Variants in BICD1 observed in about 807,000 individuals in gnomAD.
The protein encoded by BICD1 is protein bicaudal D homolog 1.
In BICD1, 35 loss-of-function variants were observed where a neutral mutation model predicts 92.5. The observed-to-expected ratio is 0.38, with a 90% CI of 0.29 to 0.50. The LOEUF (loss-of-function observed/expected upper bound fraction) is 0.50, where lower values mean the gene tolerates loss of function less well. BICD1 is among the 20% of genes least tolerant of loss of function. The pLI is 0.93. For missense variants in BICD1, 950 were observed against 1,189.8 expected (o/e 0.80, Z 2.97); for synonymous variants, 429 against 465.1 (o/e 0.92, Z 1.00).
At chr12:32,224,233 A>T (rs1164591096) in intron 2 of BICD1, among the ~76,000 whole-genome samples, 1 of 152,056 alleles carries the variant, frequency 6.6e-6, no homozygotes, top group Non-Finnish European at 1.5e-5. Context: ...TCTCCTCTCC[A>T]TACTTGTTGG....
chr12:32,330,723 G>A (rs1458519028), intron 5 of BICD1, among the ~76,000 whole-genome samples: 1 of 152,150 alleles, frequency 6.6e-6, no homozygotes, highest in Non-Finnish European at 1.5e-5. Flanking sequence ...ATGATTCAGA[G>A]TGGTCATAAA....
At position 32,120,899 on chromosome 12, in the gene BICD1, A is replaced by G. The variant is rs572523213; in HGVS notation, c.213+13355A>G. On this transcript the variant is annotated intron_variant, in intron 1 of 9. Transcript: ENST00000652176. Reference sequence around the variant, plus strand: ...AGAGAGAGAGAGAGAGAGAGAGAAAAAAAAAAGGAAAAAATATAATGTGCT... The same window carrying G: ...AGAGAGAGAGAGAGAGAGAGAGAAAGAAAAAAGGAAAAAATATAATGTGCT... Among the ~76,000 whole-genome samples, 35 of 147,906 alleles carry G rather than the reference A, an allele frequency of 2.4e-4. No homozygotes were observed. The East Asian group carries it at 4.3e-3, about 18-fold the overall frequency.
intron 8 of BICD1, among the ~76,000 whole-genome samples, chr12:32,351,005 C>CT (rs35980863): frequency 6.6e-6 from 1 of 152,010 alleles, no homozygotes; most frequent in Non-Finnish European, 1.5e-5. Flanking sequence ...TTTTCTTTCT[C>CT]TTTTTTGGCA....
intron 2 of BICD1, among the ~76,000 whole-genome samples, chr12:32,237,059 T>C (rs1565608725): frequency 6.6e-6 from 1 of 151,966 alleles, no homozygotes; most frequent in Admixed American, 6.6e-5. Flanking sequence ...GTATTTTTAA[T>C]AGAGACAGGG....
intron 5 of BICD1, chr12:32,332,703 C>G (rs976602853): frequency 4.4e-5 from 16 of 363,202 alleles, no homozygotes; most frequent in Non-Finnish European, 5.7e-5. Flanking sequence ...TTCACAGAAG[C>G]AATTATACCT....
chr12:32,146,967 T>A (rs918920129), intron 1 of BICD1, among the ~76,000 whole-genome samples: 2 of 151,562 alleles, frequency 1.3e-5, no homozygotes, highest in Non-Finnish European at 2.9e-5. Flanking sequence ...TTTGAGACAG[T>A]CTTGCTCTGT....
chr12:32,208,533 G>T (rs2121549771), intron 1 of BICD1, among the ~76,000 whole-genome samples: 1 of 152,266 alleles, frequency 6.6e-6, no homozygotes. Context: ...GAGTACATCT[G>T]CCCTTTCAAG....
chr12:32,200,457 G>GAATTTTTATGAATGTTT (rs1395350721), intron 1 of BICD1, among the ~76,000 whole-genome samples: 2 of 152,152 alleles, frequency 1.3e-5, no homozygotes, highest in Non-Finnish European at 2.9e-5. Flanking sequence ...TCAGAGCAAA[G>GAATTTTTATGAATGTTT]CTTTCATATT....
At chr12:32,141,362 GTGTTTT>G in intron 1 of BICD1, among the ~76,000 whole-genome samples, 1 of 152,056 alleles carries the variant, frequency 6.6e-6, no homozygotes, top group East Asian at 1.9e-4. Context: ...TGACTAATTT[GTGTTTT>G]TGTTATTAAG....
chr12:32,244,632 T>G (rs1271547575), intron 2 of BICD1, among the ~76,000 whole-genome samples: 4 of 133,608 alleles, frequency 3.0e-5, no homozygotes, highest in Non-Finnish European at 6.6e-5. Context: ...ATATAGGATT[T>G]TTTTTTTTTT....
At chr12:32,233,717 T>C (rs1020494340) in intron 2 of BICD1, among the ~76,000 whole-genome samples, 1 of 152,168 alleles carries the variant, frequency 6.6e-6, no homozygotes, top group Non-Finnish European at 1.5e-5. Context: ...CCACCCTAAG[T>C]TCAGGTTTTG....
intron 5 of BICD1, among the ~76,000 whole-genome samples, chr12:32,329,569 C>T (rs187957458): frequency 6.6e-6 from 1 of 152,168 alleles, no homozygotes; most frequent in Admixed American, 6.5e-5. Context: ...TAGTTTGGGG[C>T]CACTTTAGCA....
At chr12:32,251,989 A>AATATATTTATAATACATATTTATGATATT in intron 2 of BICD1, among the ~76,000 whole-genome samples, 1 of 104,254 alleles carries the variant, frequency 9.6e-6, no homozygotes, top group Non-Finnish European at 1.7e-5. Context: ...CTATATATAT[A>AATATATTTATAATACATATTTATGATATT]ATATATTTAT....
intron 1 of BICD1, among the ~76,000 whole-genome samples, chr12:32,202,177 C>G (rs952477442): frequency 3.9e-5 from 6 of 152,192 alleles, no homozygotes; most frequent in Non-Finnish European, 7.3e-5. Flanking sequence ...GAAGCATGGA[C>G]AGCTGCCAGC....
At position 32,327,209 on chromosome 12, in the gene BICD1, G is replaced by T. The variant is rs187788; in HGVS notation, c.1006-252G>T. Among the ~76,000 whole-genome samples, 125,303 of 152,230 alleles carry T rather than the reference G, an allele frequency of 0.82. 51,743 individuals are homozygous for T. The highest frequency in any genetic ancestry group is 0.87 in the East Asian group (4,529 of 5,184). ...ATTGTTCTAATAACATTGAAGTTTC[G>T]TCAGTATATGTGTATGATACAAGCG... On this transcript the variant is annotated intron_variant, in intron 4 of 9. Transcript: ENST00000652176.
At chr12:32,111,770 G>T (rs1488005086) in intron 1 of BICD1, among the ~76,000 whole-genome samples, 2 of 151,694 alleles carry the variant, frequency 1.3e-5, no homozygotes, top group Non-Finnish European at 2.9e-5. Context: ...ACCACACCTG[G>T]CTAATTTTTC....
chr12:32,133,216 G>T (rs1012482512), intron 1 of BICD1, among the ~76,000 whole-genome samples: 6 of 151,976 alleles, frequency 3.9e-5, no homozygotes, highest in Admixed American at 3.9e-4. Context: ...GGCCAGGCGG[G>T]GTGGCTCATG....
At chr12:32,365,051 C>T (rs1230134473) in intron 8 of BICD1, among the ~76,000 whole-genome samples, 1 of 152,108 alleles carries the variant, frequency 6.6e-6, no homozygotes, top group Non-Finnish European at 1.5e-5. Flanking sequence ...GCCTGGTTAA[C>T]ACGGTGAAAC....
intron 2 of BICD1, among the ~76,000 whole-genome samples, chr12:32,231,559 C>CTTTATTTA (rs150346060): frequency 5.6e-4 from 83 of 147,798 alleles, no homozygotes; most frequent in Non-Finnish European, 9.7e-4. Context: ...TTTGTGACTG[C>CTTTATTTA]TTTATTTATT....
Sources: allele counts gnomAD v4.1 joint callset (sites outside exome capture counted in the v4.1 genomes callset), GRCh38; gene constraint gnomAD v4.1.1; transcripts MANE v1.5; gene names NCBI Gene and HGNC (gene_info 2026-07-23, HGNC 2026-07-21).